EYA4: variants seen among roughly 807,000 people sequenced by gnomAD.
EYA4 encodes EYA transcriptional coactivator and phosphatase 4, also known as protein phosphatase EYA4.
EYA4 carries 31 observed loss-of-function variants against 87.9 expected under a neutral mutation model. That is an observed-to-expected ratio of 0.35 (90% CI 0.27 to 0.48). The LOEUF (loss-of-function observed/expected upper bound fraction) is 0.48. EYA4 is among the 20% of genes least tolerant of loss of function. The pLI is 0.99. For missense variants in EYA4, 678 were observed against 761.4 expected, an observed-to-expected ratio of 0.89 and a Z score of 1.29; for synonymous variants, 263 against 270.6, an observed-to-expected ratio of 0.97 and a Z score of 0.28.
intron 11 of EYA4, among the ~76,000 whole-genome samples, chr6:133,474,310 G>T (rs532602134): frequency 1.3e-5 from 2 of 152,108 alleles, no homozygotes; most frequent in East Asian, 3.9e-4. Context: ...AAGCTTCTCT[G>T]CAGGAAAAAC....
intron 2 of EYA4, among the ~76,000 whole-genome samples, chr6:133,320,895 C>T (rs1447474427): frequency 6.6e-6 from 1 of 152,140 alleles, no homozygotes; most frequent in African/African-American, 2.4e-5. Context: ...ACTCATTTTT[C>T]TACATACTGA....
chr6:133,288,736 A>C (rs1778262646), intron 2 of EYA4, among the ~76,000 whole-genome samples: 1 of 152,194 alleles, frequency 6.6e-6, no homozygotes, highest in Non-Finnish European at 1.5e-5. Flanking sequence ...AAGTGCAAGG[A>C]GGAAGATGAA....
intron 5 of EYA4, among the ~76,000 whole-genome samples, chr6:133,450,709 C>T (rs906033074): frequency 6.6e-6 from 1 of 152,174 alleles, no homozygotes; most frequent in Non-Finnish European, 1.5e-5. Flanking sequence ...CTGGGTTTCA[C>T]CACGTTGGCC....
intron 3 of EYA4, among the ~76,000 whole-genome samples, chr6:133,417,359 T>A (rs1358974529): frequency 6.6e-6 from 1 of 152,152 alleles, no homozygotes; most frequent in Non-Finnish European, 1.5e-5. Context: ...AAGATGTGTC[T>A]GTTATTATAG....
intron 1 of EYA4, among the ~76,000 whole-genome samples, chr6:133,256,154 T>C (rs1775317093): frequency 6.6e-6 from 1 of 151,310 alleles, no homozygotes; most frequent in Non-Finnish European, 1.5e-5. Context: ...ATCGGAATAC[T>C]CCACTATGAT....
intron 2 of EYA4, among the ~76,000 whole-genome samples, chr6:133,330,568 T>C (rs938712124): frequency 4.4e-4 from 63 of 143,916 alleles, no homozygotes; most frequent in East Asian, 1.2e-3. Flanking sequence ...TATATATATA[T>C]ACACACACAC....
intron 16 of EYA4, 83 bp downstream of exon 16, chr6:133,513,121 T>A: frequency 7.2e-7 from 1 of 1,382,964 alleles, no homozygotes; most frequent in Non-Finnish European, 1.0e-6. Flanking sequence ...AAGATGATTC[T>A]GCTGTAAAAG....
intron 14 of EYA4, among the ~76,000 whole-genome samples, chr6:133,510,848 A>G (rs1799079589): frequency 6.6e-6 from 1 of 152,188 alleles, no homozygotes; most frequent in African/African-American, 2.4e-5. Context: ...AATCCTGTAA[A>G]GAATTAGCAT....
chr6:133,312,291 G>T (rs974065477), intron 2 of EYA4, among the ~76,000 whole-genome samples: 1 of 151,938 alleles, frequency 6.6e-6, no homozygotes, highest in Admixed American at 6.6e-5. Context: ...TAGGCTTTTG[G>T]TTAAGCACTT....
chr6:133,269,068 G>A (rs1157317781), intron 1 of EYA4, among the ~76,000 whole-genome samples: 5 of 152,136 alleles, frequency 3.3e-5, no homozygotes, highest in African/African-American at 9.7e-5. Context: ...AGAGCAGCCT[G>A]GCCAACATGG....
At chr6:133,472,923 C>T (rs1328654505) in intron 11 of EYA4, among the ~76,000 whole-genome samples, 1 of 151,118 alleles carries the variant, frequency 6.6e-6, no homozygotes, top group African/African-American at 2.4e-5. Flanking sequence ...CAACCCCTGC[C>T]TTTTTTTGTT....
chr6:133,299,765 A>C (rs1458806414), intron 2 of EYA4, among the ~76,000 whole-genome samples: 2 of 150,124 alleles, frequency 1.3e-5, no homozygotes, highest in Non-Finnish European at 3.0e-5. Context: ...AAAATAAAAT[A>C]AAAACACTTA....
intron 3 of EYA4, among the ~76,000 whole-genome samples, chr6:133,399,623 T>C (rs2128511281): frequency 6.6e-6 from 1 of 152,344 alleles, no homozygotes; most frequent in South Asian, 2.1e-4. Context: ...TATATGGCAT[T>C]GAATTCTGGC....
At chr6:133,345,089 C>G (rs1212857198) in intron 2 of EYA4, among the ~76,000 whole-genome samples, 1 of 152,102 alleles carries the variant, frequency 6.6e-6, no homozygotes, top group South Asian at 2.1e-4. Flanking sequence ...TTTCAACATG[C>G]TGTTTTCCTA....
chr6:133,530,517 G>C lies in EYA4; in HGVS notation c.*1712G>C, dbSNP rs1800948251. 7.1e-6 allele frequency: 7 copies of C among 985,834 alleles called. No homozygotes were observed. Among genetic ancestry groups the C allele is most frequent in the Non-Finnish European group, 8.4e-6 (7 of 829,900 alleles). The allele number at this position is 985,834 out of a possible 1,614,324, so 61.1% of individuals were successfully genotyped here. ...TGTGGATCCTGGAGTCAGGCTACTA[G>C]TCAGTGCCCCTAGCCAGAGGCTGGT... is the stretch of plus-strand genomic sequence containing the variant. On this transcript the variant is annotated 3_prime_UTR_variant, in exon 20 of 20. Coordinates refer to ENST00000355286, the MANE Select transcript of EYA4 (RefSeq NM_004100.5).
Position 133,447,570 on chromosome 6 carries a change from A to G in EYA4, c.209-541A>G, listed in dbSNP as rs1562432767. On this transcript the variant is annotated intron_variant, in intron 4 of 19. Coordinates refer to ENST00000355286, the MANE Select transcript of EYA4 (RefSeq NM_004100.5). ...TTTAATTTAGATATTAGCATTTGCC[A>G]CATCATATTTTCTTTTAAATTTTAA... 2.0e-5 allele frequency among the ~76,000 whole-genome samples: 3 copies of G among 152,204 alleles called. 1 individual carries two copies. The highest frequency in any genetic ancestry group is 7.2e-5 in the African/African-American group (3 of 41,460).
chr6:133,322,624 A>G (rs1396466013), intron 2 of EYA4, among the ~76,000 whole-genome samples: 1 of 152,188 alleles, frequency 6.6e-6, no homozygotes, highest in Admixed American at 6.5e-5. Context: ...TAATTTTCCA[A>G]AAAACAGCCA....
rs1307186899 is a variant in EYA4 at position 133,246,447 on chromosome 6, GT to G, written c.-66+4709del. Among the ~76,000 whole-genome samples the G allele has an allele frequency of 8.1e-3, 1,186 of 145,608 alleles. 11 individuals are homozygous for G. The highest frequency in any genetic ancestry group is 0.028 in the African/African-American group (1,109 of 39,958). The stretch of plus-strand genomic sequence containing the variant: ...TGTTCTATCGTGTTAGAATTTTTTA[GT>G]TTTTTTTTTTCTGCACAGGTAGTTT... On this transcript the variant is annotated intron_variant, in intron 1 of 19. Coordinates refer to ENST00000355286, the MANE Select transcript of EYA4 (RefSeq NM_004100.5).
At chr6:133,524,440 A>G (rs749436256) in intron 18 of EYA4, among the ~76,000 whole-genome samples, 44 of 152,296 alleles carry the variant, frequency 2.9e-4, no homozygotes, top group Non-Finnish European at 5.9e-4. Context: ...ATGTTTTAAA[A>G]ACAAAGAATA....
Sources: gnomAD v4.1 joint callset for allele counts (sites outside exome capture counted in the v4.1 genomes callset) on GRCh38, gnomAD v4.1.1 for gene constraint, MANE v1.5 for transcripts, NCBI Gene and HGNC (gene_info 2026-07-23, HGNC 2026-07-21) for gene names.